Variants in GRIA4 observed in about 807,000 individuals in gnomAD.
GRIA4 encodes the protein glutamate ionotropic receptor AMPA type subunit 4.
In GRIA4, 34 loss-of-function variants were observed where a neutral mutation model predicts 104.0. That is an observed-to-expected ratio of 0.33 (90% confidence interval 0.25 to 0.44). The LOEUF (loss-of-function observed/expected upper bound fraction) is 0.44, where lower values mean the gene tolerates loss of function less well. Ranked by LOEUF, GRIA4 falls within the 20% of genes least tolerant of loss-of-function variation. GRIA4 has a pLI of 1.00. For missense variants in GRIA4, 750 were observed against 1,096.5 expected (o/e 0.68, Z 4.46); for synonymous variants, 386 against 381.9 (o/e 1.01, Z -0.13).
intron 11 of GRIA4, among the ~76,000 whole-genome samples, chr11:105,921,687 C>T (rs1591447834): frequency 6.6e-6 from 1 of 152,090 alleles, no homozygotes; most frequent in African/African-American, 2.4e-5. Context: ...CTTCTTCCCT[C>T]ACTAGTGGGA....
chr11:105,843,495 C>T (rs953620932), intron 4 of GRIA4, among the ~76,000 whole-genome samples: 4 of 152,164 alleles, frequency 2.6e-5, no homozygotes, highest in African/African-American at 9.7e-5. Flanking sequence ...CCAATTGATA[C>T]ATTCTGTCAA....
intron 4 of GRIA4, among the ~76,000 whole-genome samples, chr11:105,835,413 T>C (rs1316818576): frequency 6.6e-6 from 1 of 152,038 alleles, no homozygotes; most frequent in East Asian, 1.9e-4. Flanking sequence ...ATTTAAACAA[T>C]ACCATACCAT....
chr11:105,767,951 T>C (rs1053970985), intron 4 of GRIA4, among the ~76,000 whole-genome samples: 4 of 151,958 alleles, frequency 2.6e-5, no homozygotes, highest in African/African-American at 7.2e-5. Flanking sequence ...AAGAAAATAG[T>C]AGAGTAAGCA....
chr11:105,751,898 A>G (rs1209665792), intron 3 of GRIA4, among the ~76,000 whole-genome samples: 1 of 152,214 alleles, frequency 6.6e-6, no homozygotes, highest in Non-Finnish European at 1.5e-5. Context: ...TAAAATCAGA[A>G]AACATAAAAA....
chr11:105,696,593 A>C (rs906594348), intron 3 of GRIA4, among the ~76,000 whole-genome samples: 25 of 152,270 alleles, frequency 1.6e-4, no homozygotes, highest in African/African-American at 4.3e-4. Context: ...TACAATAGGC[A>C]CACTATAAAT....
At chr11:105,932,861 T>C (rs1472424484) in intron 13 of GRIA4, among the ~76,000 whole-genome samples, 3 of 152,252 alleles carry the variant, frequency 2.0e-5, no homozygotes, top group Non-Finnish European at 4.4e-5. Flanking sequence ...TGGTGTTCAA[T>C]TACTGACTTG....
chr11:105,627,498 A>G lies in GRIA4; in HGVS notation c.247+15064A>G, dbSNP rs144780120. On this transcript the variant is annotated intron_variant, in intron 3 of 16. Transcript: ENST00000282499. Reference sequence around the variant, plus strand: ...AAAAAGACTTCTAATAGCACGGTTCATCATTCATGTATATAGCAAAATGTG... The same window carrying G: ...AAAAAGACTTCTAATAGCACGGTTCGTCATTCATGTATATAGCAAAATGTG... Among the ~76,000 whole-genome samples, 3 of 152,342 alleles carry G rather than the reference A, an allele frequency of 2.0e-5. No individual in the cohort carries two copies. In the East Asian group the frequency reaches 5.8e-4, roughly 29 times the overall value.
chr11:105,691,275 A>G (rs1281038982), intron 3 of GRIA4, among the ~76,000 whole-genome samples: 2 of 152,210 alleles, frequency 1.3e-5, no homozygotes, highest in Non-Finnish European at 2.9e-5. Flanking sequence ...GCTTGATCAG[A>G]GTGACAAGAC....
chr11:105,939,889 C>G (rs1948140473), intron 14 of GRIA4, among the ~76,000 whole-genome samples: 1 of 152,098 alleles, frequency 6.6e-6, no homozygotes, highest in South Asian at 2.1e-4. Flanking sequence ...TAGGTGGCCT[C>G]AGCACAGGCT....
intron 3 of GRIA4, among the ~76,000 whole-genome samples, chr11:105,749,835 A>C (rs1202320023): frequency 6.6e-6 from 1 of 152,226 alleles, no homozygotes; most frequent in Non-Finnish European, 1.5e-5. Flanking sequence ...ACTTAAAATT[A>C]TGACATTTCA....
At chr11:105,692,928 C>T (rs1953140822) in intron 3 of GRIA4, among the ~76,000 whole-genome samples, 1 of 152,138 alleles carries the variant, frequency 6.6e-6, no homozygotes, top group Admixed American at 6.5e-5. Context: ...TTTTGGCATA[C>T]ATTGTGCTTC....
chr11:105,643,821 C>A (rs898613183), intron 3 of GRIA4, among the ~76,000 whole-genome samples: 2 of 152,116 alleles, frequency 1.3e-5, no homozygotes, highest in African/African-American at 4.8e-5. Context: ...CAGGTTGAAG[C>A]GATTCTCCTG....
At chr11:105,659,008 T>C (rs1320702468) in intron 3 of GRIA4, among the ~76,000 whole-genome samples, 1 of 152,040 alleles carries the variant, frequency 6.6e-6, no homozygotes, top group Non-Finnish European at 1.5e-5. Context: ...ATGACAATAA[T>C]GGGATAAATT....
intron 3 of GRIA4, among the ~76,000 whole-genome samples, chr11:105,676,462 A>T (rs992275482): frequency 9.9e-5 from 15 of 151,450 alleles, no homozygotes; most frequent in Non-Finnish European, 1.9e-4. Flanking sequence ...TTGAAGGACT[A>T]GGAAAAAAGT....
At chr11:105,896,815 TTA>T (rs1946667659) in intron 6 of GRIA4, among the ~76,000 whole-genome samples, 1 of 152,190 alleles carries the variant, frequency 6.6e-6, no homozygotes, top group Non-Finnish European at 1.5e-5. Context: ...TACTATAGCC[TTA>T]TAGTATAGTC....
intron 3 of GRIA4, among the ~76,000 whole-genome samples, chr11:105,723,663 G>C (rs1174388423): frequency 6.6e-6 from 1 of 152,032 alleles, no homozygotes; most frequent in African/African-American, 2.4e-5. Flanking sequence ...TCACTGGAGA[G>C]AGAACTAATC....
intron 3 of GRIA4, among the ~76,000 whole-genome samples, chr11:105,734,049 T>G (rs1009405862): frequency 4.8e-5 from 7 of 147,348 alleles, no homozygotes; most frequent in Non-Finnish European, 7.5e-5. Flanking sequence ...TTATATATAA[T>G]ATATGTATAT....
intron 10 of GRIA4, among the ~76,000 whole-genome samples, chr11:105,915,308 GC>G (rs1054947828): frequency 6.6e-6 from 1 of 152,094 alleles, no homozygotes; most frequent in African/African-American, 2.4e-5. Flanking sequence ...ATCAACATCT[GC>G]AGTAAGCTGA....
At chr11:105,723,730 A>G (rs1937996063) in intron 3 of GRIA4, among the ~76,000 whole-genome samples, 1 of 152,254 alleles carries the variant, frequency 6.6e-6, no homozygotes, top group Non-Finnish European at 1.5e-5. Context: ...AACTATGAAC[A>G]GTAAGTAGAA....
Sources: allele counts gnomAD v4.1 joint callset (sites outside exome capture counted in the v4.1 genomes callset), GRCh38; gene constraint gnomAD v4.1.1; transcripts MANE v1.5; gene names NCBI Gene and HGNC (gene_info 2026-07-23, HGNC 2026-07-21).